IFTAP: variants seen among roughly 807,000 people sequenced by gnomAD.
IFTAP encodes the protein intraflagellar transport-associated protein.
A neutral mutation model predicts 19.4 loss-of-function variants in IFTAP; 19 were observed. The ratio of observed to expected loss-of-function variants is 0.98; its 90% CI spans 0.68 to 1.44. The LOEUF (loss-of-function observed/expected upper bound fraction) is 1.44. IFTAP is among the 40% of genes most tolerant of loss of function. The probability of loss-of-function intolerance (pLI) is 0.00; values close to 1 mark genes in which losing one functional copy is unlikely to be tolerated. For synonymous variants in IFTAP, 85 were observed against 83.5 expected (o/e 1.02, Z -0.10); for missense variants, 240 against 253.6 (o/e 0.95, Z 0.36).
chr11:36,610,930 C>T lies in IFTAP; in HGVS notation c.136+691C>T, dbSNP rs573828130. 2.6e-5 allele frequency among the ~76,000 whole-genome samples: 4 copies of T among 152,138 alleles called. No individual in the cohort carries two copies. The East Asian group carries it at 7.7e-4, about 29-fold the overall frequency. On this transcript the variant is annotated intron_variant, in intron 2 of 5. Coordinates refer to ENST00000334307, the MANE Select transcript of IFTAP (RefSeq NM_138787.4). ...GTTTTTCATTATTTGTTTTGTTTCC[C>T]TCATCCAGTGTTATTGCTTATTAAT...
chr11:36,624,800 C>T (rs12292943), intron 2 of IFTAP, among the ~76,000 whole-genome samples: 23,434 of 152,018 alleles, frequency 0.15, 2,602 homozygotes, highest in African/African-American at 0.31. Flanking sequence ...CATGGCAGAG[C>T]AGAAAGATAG....
chr11:36,652,176 A>G (rs931220843), intron 5 of IFTAP, among the ~76,000 whole-genome samples: 1 of 152,126 alleles, frequency 6.6e-6, no homozygotes, highest in African/African-American at 2.4e-5. Flanking sequence ...GATTCTTCCT[A>G]TCCATGAACA....
At position 36,626,041 on chromosome 11, in the gene IFTAP, C is replaced by T. The variant is rs571422437; in HGVS notation, c.137-7243C>T. Among the ~76,000 whole-genome samples, 5 of 150,866 alleles carry T rather than the reference C, an allele frequency of 3.3e-5. No individual in the cohort carries two copies. The South Asian group carries it at 6.2e-4, about 19-fold the overall frequency. On this transcript the variant is annotated intron_variant, in intron 2 of 5. Transcript: ENST00000334307. ...AGAGGGCATGGAGGTAGGGAAAGAT[C>T]GGGCATGGATAGCTTTGTAGGTCCT...
At chr11:36,649,435 C>A (rs1404165438) in intron 5 of IFTAP, among the ~76,000 whole-genome samples, 1 of 152,002 alleles carries the variant, frequency 6.6e-6, no homozygotes, top group Non-Finnish European at 1.5e-5. Flanking sequence ...GACTCAATTT[C>A]TTTTTTAAGA....
At chr11:36,637,270 C>T (rs1852990377) in intron 4 of IFTAP, among the ~76,000 whole-genome samples, 1 of 152,194 alleles carries the variant, frequency 6.6e-6, no homozygotes. Context: ...ATTCTGCTTT[C>T]AAGCATCACA....
intron 2 of IFTAP, among the ~76,000 whole-genome samples, chr11:36,617,325 C>G (rs973364478): frequency 6.6e-6 from 1 of 151,302 alleles, no homozygotes; most frequent in African/African-American, 2.4e-5. Flanking sequence ...ACAAGTAGTT[C>G]TCAAACTTGG....
At chr11:36,612,924 T>G (rs559159203) in intron 2 of IFTAP, among the ~76,000 whole-genome samples, 1 of 152,248 alleles carries the variant, frequency 6.6e-6, no homozygotes, top group African/African-American at 2.4e-5. Flanking sequence ...AGCATAATTC[T>G]CACTACAGTA....
intron 2 of IFTAP, among the ~76,000 whole-genome samples, chr11:36,632,212 T>A (rs1197056429): frequency 1.3e-5 from 2 of 151,204 alleles, no homozygotes; most frequent in African/African-American, 4.9e-5. Flanking sequence ...AATGAAATGA[T>A]TCATGAGATG....
intron 1 of IFTAP, among the ~76,000 whole-genome samples, chr11:36,606,559 A>T (rs563892538): frequency 2.5e-4 from 38 of 152,348 alleles, no homozygotes. Flanking sequence ...CAATCTGTTA[A>T]TTGTTTGCTT....
chr11:36,643,577 A>G (rs1442347193), intron 4 of IFTAP, among the ~76,000 whole-genome samples: 1 of 152,234 alleles, frequency 6.6e-6, no homozygotes, highest in Non-Finnish European at 1.5e-5. Context: ...TGGAGGCATC[A>G]TGCTACCTGA....
chr11:36,596,260 C>T lies in IFTAP; in HGVS notation c.-24+1668C>T, dbSNP rs116969052. Among the ~76,000 whole-genome samples, 427 of 122,280 alleles carry T rather than the reference C, an allele frequency of 3.5e-3. 2 individuals are homozygous for T. The Middle Eastern group carries it at 0.092, about 26-fold the overall frequency. 80.2% of individuals were successfully genotyped at this position (122,280 alleles called of 152,430 possible). On this transcript the variant is annotated intron_variant, in intron 1 of 5. Coordinates refer to ENST00000334307, the MANE Select transcript of IFTAP (RefSeq NM_138787.4). ...TTTGCTTTAAAGAACTTCTGTAGAT[C>T]AGCTGTAATTTACTGCTAAATAATC...
At chr11:36,599,049 A>G (rs774134763) in intron 1 of IFTAP, among the ~76,000 whole-genome samples, 2 of 152,068 alleles carry the variant, frequency 1.3e-5, no homozygotes, top group Non-Finnish European at 2.9e-5. Context: ...GCTGGAGTGC[A>G]GTGGTACGAT....
At chr11:36,618,932 A>G (rs1319972774) in intron 2 of IFTAP, among the ~76,000 whole-genome samples, 1 of 151,854 alleles carries the variant, frequency 6.6e-6, no homozygotes, top group East Asian at 1.9e-4. Context: ...TGGAAAGCAA[A>G]AGGGCCTAGG....
intron 2 of IFTAP, among the ~76,000 whole-genome samples, chr11:36,622,652 G>A (rs1852345806): frequency 6.6e-6 from 1 of 152,058 alleles, no homozygotes; most frequent in South Asian, 2.1e-4. Context: ...AATGGTTGTG[G>A]TGAGAATCAG....
At chr11:36,625,482 T>A (rs1240428695) in intron 2 of IFTAP, among the ~76,000 whole-genome samples, 1 of 152,184 alleles carries the variant, frequency 6.6e-6, no homozygotes, top group Non-Finnish European at 1.5e-5. Context: ...TAGCAATAAA[T>A]ATCATTTACC....
At chr11:36,648,641 G>C (rs762158921) in intron 5 of IFTAP, among the ~76,000 whole-genome samples, 15 of 152,056 alleles carry the variant, frequency 9.9e-5, no homozygotes, top group Non-Finnish European at 1.6e-4. Context: ...GCTCCTTTTT[G>C]GGGGGTCATC....
rs1219596835 is a variant in IFTAP, at chr11:36,632,524, T to C, written c.137-760T>C. On this transcript the variant is annotated intron_variant, in intron 2 of 5. Transcript: ENST00000334307. ...CACATTTCTTTTAATAGCATCATGATATAATTGTCTTAGTCTCTTAATTTA... is the reference window on the plus strand; with the variant it reads ...CACATTTCTTTTAATAGCATCATGACATAATTGTCTTAGTCTCTTAATTTA... 4.0e-5 allele frequency among the ~76,000 whole-genome samples: 6 copies of C among 151,244 alleles called. 1 individual carries two copies. Among genetic ancestry groups the C allele is most frequent in the African/African-American group, 1.5e-4 (6 of 40,588 alleles).
intron 2 of IFTAP, among the ~76,000 whole-genome samples, chr11:36,615,788 G>T (rs1852059540): frequency 6.6e-6 from 1 of 150,592 alleles, no homozygotes; most frequent in Non-Finnish European, 1.5e-5. Context: ...CTTTGCTGAA[G>T]TTGCTTATCA....
intron 5 of IFTAP, among the ~76,000 whole-genome samples, chr11:36,657,709 G>C (rs769738647): frequency 9.2e-5 from 14 of 152,142 alleles, no homozygotes; most frequent in South Asian, 8.3e-4. Context: ...GCTTTATAAG[G>C]TAGGGGTAAC....
Sources: gnomAD v4.1 joint callset for allele counts (sites outside exome capture counted in the v4.1 genomes callset) on GRCh38, gnomAD v4.1.1 for gene constraint, MANE v1.5 for transcripts, NCBI Gene and HGNC (gene_info 2026-07-23, HGNC 2026-07-21) for gene names.